ZNRF3: variants seen among roughly 807,000 people sequenced by gnomAD.
ZNRF3 encodes the protein zinc and ring finger 3, also known as E3 ubiquitin-protein ligase ZNRF3.
Under a neutral mutation model 72.5 loss-of-function variants are expected in ZNRF3, and 23 were observed. The observed-to-expected ratio is 0.32, with a 90% confidence interval of 0.23 to 0.45. The LOEUF is 0.45. Among genes scored for constraint, ZNRF3 ranks in the 20% least tolerant of loss-of-function variants. ZNRF3 has a pLI of 1.00. For synonymous variants in ZNRF3, 610 were observed against 545.3 expected, an observed-to-expected ratio of 1.12 and a Z score of -1.65; for missense variants, 1,169 against 1,272.1, an observed-to-expected ratio of 0.92 and a Z score of 1.23.
At position 28,970,784 on chromosome 22, in the gene ZNRF3, G is replaced by A. The variant is rs571372348; in HGVS notation, c.301-16292G>A. ...AGAGTGCATGATACATCATGTTTCC[G>A]TTTATGTGGAATTCCAGAAAATATA... On this transcript the variant is annotated intron_variant, in intron 1 of 8. Coordinates refer to ENST00000544604, the MANE Select transcript of ZNRF3 (RefSeq NM_001206998.2). 5.3e-5 allele frequency among the ~76,000 whole-genome samples: 8 copies of A among 152,244 alleles called. No homozygotes were observed. In the South Asian group the frequency reaches 6.2e-4, roughly 12 times the overall value.
intron 1 of ZNRF3, among the ~76,000 whole-genome samples, chr22:28,972,342 T>C (rs1368910077): frequency 6.6e-6 from 1 of 152,234 alleles, no homozygotes; most frequent in Non-Finnish European, 1.5e-5. Flanking sequence ...TATTCTGGGC[T>C]TTCATGTAAT....
intron 2 of ZNRF3, among the ~76,000 whole-genome samples, chr22:29,016,918 T>C (rs899867980): frequency 6.6e-6 from 1 of 152,232 alleles, no homozygotes; most frequent in South Asian, 2.1e-4. Context: ...AAAGTAACAC[T>C]TGCCTAGAAA....
intron 1 of ZNRF3, among the ~76,000 whole-genome samples, chr22:28,977,834 A>G (rs1005339212): frequency 6.6e-6 from 1 of 152,226 alleles, no homozygotes; most frequent in Non-Finnish European, 1.5e-5. Context: ...GCCCTTTCAG[A>G]CATGTGGAAA....
intron 1 of ZNRF3, among the ~76,000 whole-genome samples, chr22:28,983,549 T>A (rs866010560): frequency 6.6e-5 from 10 of 152,310 alleles, no homozygotes; most frequent in African/African-American, 2.4e-4. Flanking sequence ...GTCCTCCACA[T>A]CTGCCGCTCT....
chr22:28,952,931 C>A (rs1335503184), intron 1 of ZNRF3, among the ~76,000 whole-genome samples: 1 of 152,188 alleles, frequency 6.6e-6, no homozygotes, highest in Non-Finnish European at 1.5e-5. Context: ...CAGGATAAGG[C>A]AGCATTTTTC....
In ZNRF3 at chr22:28,903,239, C is replaced by T. The variant is rs140122193; in HGVS notation, c.300+19173C>T. On this transcript the variant is annotated intron_variant, in intron 1 of 8. Transcript: ENST00000544604. Reference sequence around the variant, plus strand: ...TGTCAGTCGGGCACGTGTGCACACACAGACACACACACGCACAGCTGGATG... The same window carrying T: ...TGTCAGTCGGGCACGTGTGCACACATAGACACACACACGCACAGCTGGATG... Among the ~76,000 whole-genome samples, 1,209 of 152,306 alleles carry T rather than the reference C, an allele frequency of 7.9e-3. 17 individuals carry two copies. Among genetic ancestry groups the T allele is most frequent in the African/African-American group, 0.028 (1,161 of 41,552 alleles).
At chr22:29,019,106 T>C (rs1376842459) in intron 2 of ZNRF3, among the ~76,000 whole-genome samples, 2 of 151,844 alleles carry the variant, frequency 1.3e-5, no homozygotes, top group African/African-American at 4.8e-5. Flanking sequence ...GTTCTCAGGG[T>C]TCCCAGCCGC....
Position 29,049,582 on chromosome 22 carries a change from C to A in ZNRF3, c.1401C>A (p.Thr467=), listed in dbSNP as rs1165419425. 7.5e-6 allele frequency: 12 copies of A among 1,607,212 alleles called. No homozygotes were observed. Among genetic ancestry groups the A allele is most frequent in the Non-Finnish European group, 1.0e-5 (12 of 1,178,028 alleles). The change falls in exon 8 of 9, where the codon ACC becomes ACA. Residue 467 remains threonine (T), a synonymous_variant. Transcript: ENST00000544604. The surrounding 1 kb of genome is among the most constrained non-coding windows in gnomAD (Gnocchi z 5.2). The part of the protein sequence containing the change: ...SKAACFSQYE[T]MYQHYYFQGL... ...CAGCTTGCTTCTCCCAGTATGAGAC[C>A]ATGTACCAGCACTACTACTTCCAGG...
At chr22:28,946,477 G>A (rs1362089594) in intron 1 of ZNRF3, among the ~76,000 whole-genome samples, 2 of 152,214 alleles carry the variant, frequency 1.3e-5, no homozygotes, top group African/African-American at 4.8e-5. Context: ...ATGTAATGAT[G>A]CCTGACTTCA....
At chr22:28,895,890 G>T (rs1306739688) in intron 1 of ZNRF3, among the ~76,000 whole-genome samples, 1 of 152,134 alleles carries the variant, frequency 6.6e-6, no homozygotes, top group Non-Finnish European at 1.5e-5. Context: ...TTCACTTACA[G>T]TATCTTAGTT....
chr22:28,908,294 A>G (rs567297722), intron 1 of ZNRF3, among the ~76,000 whole-genome samples: 4 of 151,234 alleles, frequency 2.6e-5, no homozygotes, highest in African/African-American at 9.7e-5. Context: ...ACCCTCAACA[A>G]CCCTCTATGT....
At chr22:28,916,343 A>C (rs2034407518) in intron 1 of ZNRF3, among the ~76,000 whole-genome samples, 1 of 152,112 alleles carries the variant, frequency 6.6e-6, no homozygotes, top group African/African-American at 2.4e-5. Flanking sequence ...TATAGGCATG[A>C]GCCACCATGC....
chr22:29,023,347 G>A (rs1176999077), intron 2 of ZNRF3, among the ~76,000 whole-genome samples: 2 of 152,180 alleles, frequency 1.3e-5, no homozygotes, highest in African/African-American at 4.8e-5. Context: ...GGAAAGTCAT[G>A]CCTCCTTTGC....
rs536580488 is a variant in ZNRF3, at chr22:29,032,853, A to G, written c.427-9642A>G. On this transcript the variant is annotated intron_variant, in intron 2 of 8. Transcript: ENST00000544604. ...GGAGGCATTTTAAGTAAACAATGAC[A>G]GTGTGATGTCATAAGTGCCACAGTG... 1.6e-4 allele frequency among the ~76,000 whole-genome samples: 24 copies of G among 152,356 alleles called. No individual in the cohort carries two copies. The South Asian group carries it at 5.0e-3, about 32-fold the overall frequency.
intron 1 of ZNRF3, among the ~76,000 whole-genome samples, chr22:28,889,525 A>G (rs987201332): frequency 6.6e-6 from 1 of 152,194 alleles, no homozygotes; most frequent in Non-Finnish European, 1.5e-5. Flanking sequence ...TCACAGCCCT[A>G]TTCTGTACCA....
At chr22:28,933,784 C>T (rs1292941453) in intron 1 of ZNRF3, among the ~76,000 whole-genome samples, 2 of 142,020 alleles carry the variant, frequency 1.4e-5, no homozygotes, top group Non-Finnish European at 3.0e-5. Flanking sequence ...TCTCTCCCCT[C>T]CCTCCTCCCT....
chr22:28,908,614 A>T (rs982983081), intron 1 of ZNRF3, among the ~76,000 whole-genome samples: 1 of 152,152 alleles, frequency 6.6e-6, no homozygotes, highest in Admixed American at 6.5e-5. Flanking sequence ...CATTCCCTGG[A>T]TGTCAAAACT....
intron 1 of ZNRF3, among the ~76,000 whole-genome samples, chr22:28,902,417 C>G (rs2034125651): frequency 1.3e-5 from 2 of 151,822 alleles, no homozygotes; most frequent in African/African-American, 4.8e-5. Flanking sequence ...GGATCTCACT[C>G]TGTTGCCCAG....
chr22:28,893,817 A>G (rs1365500465), intron 1 of ZNRF3, among the ~76,000 whole-genome samples: 1 of 151,994 alleles, frequency 6.6e-6, no homozygotes, highest in African/African-American at 2.4e-5. Flanking sequence ...TATTTTCATA[A>G]GATTTCTAGA....
Sources: gnomAD v4.1 joint callset for allele counts (sites outside exome capture counted in the v4.1 genomes callset) on GRCh38, gnomAD v4.1.1 for gene constraint, Gnocchi (gnomAD v3.1) non-coding constraint, MANE v1.5 for transcripts, NCBI Gene and HGNC (gene_info 2026-07-23, HGNC 2026-07-21) for gene names.